GRM8: variants seen among roughly 807,000 people sequenced by gnomAD.
GRM8 encodes the protein metabotropic glutamate receptor 8.
Under a neutral mutation model 87.2 loss-of-function variants are expected in GRM8, and 47 were observed. The observed-to-expected ratio is 0.54, with a 90% confidence interval of 0.43 to 0.69. The LOEUF is 0.69. Among genes scored for constraint, GRM8 ranks in the 30% least tolerant of loss-of-function variants. The probability of loss-of-function intolerance (pLI) is 0.00; values close to 1 mark genes in which losing one functional copy is unlikely to be tolerated. For synonymous variants in GRM8, 396 were observed against 404.5 expected (o/e 0.98, Z 0.25); for missense variants, 1,019 against 1,139.2 (o/e 0.89, Z 1.52).
intron 7 of GRM8, among the ~76,000 whole-genome samples, chr7:126,732,426 T>C (rs2151485267): frequency 6.6e-6 from 1 of 152,280 alleles, no homozygotes; most frequent in South Asian, 2.1e-4. Context: ...TTGCATCTTG[T>C]GTGAATTGTG....
intron 6 of GRM8, among the ~76,000 whole-genome samples, chr7:126,820,721 G>A (rs1012235853): frequency 1.3e-5 from 2 of 152,114 alleles, no homozygotes; most frequent in Non-Finnish European, 2.9e-5. Flanking sequence ...CACACTGGCT[G>A]CTTAAACCCT....
chr7:126,929,072 T>C (rs981018623), intron 3 of GRM8, among the ~76,000 whole-genome samples: 1 of 151,924 alleles, frequency 6.6e-6, no homozygotes, highest in African/African-American at 2.4e-5. Flanking sequence ...GGAATTGAAG[T>C]AGAAAAAAGG....
intron 7 of GRM8, among the ~76,000 whole-genome samples, chr7:126,639,272 T>A (rs918229145): frequency 6.6e-6 from 1 of 152,160 alleles, no homozygotes; most frequent in African/African-American, 2.4e-5. Context: ...ATAGTACATA[T>A]GAGGTCACAA....
intron 2 of GRM8, among the ~76,000 whole-genome samples, chr7:127,165,694 C>T (rs1273200195): frequency 6.6e-6 from 1 of 152,132 alleles, no homozygotes; most frequent in South Asian, 2.1e-4. Context: ...TAAGAAATTG[C>T]CCACAGCCTG....
chr7:126,834,661 G>C (rs1305975776), intron 6 of GRM8, among the ~76,000 whole-genome samples: 2 of 152,138 alleles, frequency 1.3e-5, no homozygotes, highest in Non-Finnish European at 2.9e-5. Flanking sequence ...AATTGACAAG[G>C]CTTTAATAGA....
At chr7:126,820,256 T>G (rs184137462) in intron 6 of GRM8, among the ~76,000 whole-genome samples, 59 of 152,322 alleles carry the variant, frequency 3.9e-4, no homozygotes, top group Admixed American at 3.3e-3. Context: ...TAAACTGTTC[T>G]TACAAATTCC....
intron 6 of GRM8, among the ~76,000 whole-genome samples, chr7:126,800,124 A>C (rs114949149): frequency 3.3e-5 from 5 of 152,096 alleles, no homozygotes; most frequent in African/African-American, 1.2e-4. Flanking sequence ...AGTTTTTTTT[A>C]AAATGACAAT....
intron 2 of GRM8, among the ~76,000 whole-genome samples, chr7:127,238,242 A>C (rs920147589): frequency 8.5e-5 from 13 of 152,184 alleles, no homozygotes; most frequent in African/African-American, 3.1e-4. Flanking sequence ...AGCATGTTAT[A>C]TGAGTGAAGC....
At chr7:126,640,777 T>TTC (rs1802298455) in intron 7 of GRM8, among the ~76,000 whole-genome samples, 1 of 152,066 alleles carries the variant, frequency 6.6e-6, no homozygotes, top group African/African-American at 2.4e-5. Context: ...TTCTGCTCTC[T>TTC]CCCTGTCTCC....
At chr7:126,546,876 T>G (rs1427384904) in intron 8 of GRM8, among the ~76,000 whole-genome samples, 1 of 152,200 alleles carries the variant, frequency 6.6e-6, no homozygotes, top group East Asian at 1.9e-4. Context: ...ATGGAACTCT[T>G]GCTACAAAGT....
At chr7:127,114,885 A>G (rs1185717465) in intron 2 of GRM8, among the ~76,000 whole-genome samples, 1 of 152,134 alleles carries the variant, frequency 6.6e-6, no homozygotes. Context: ...TGACTCAAGG[A>G]GACTAAATAA....
chr7:126,940,333 C>T (rs920015058), intron 3 of GRM8, among the ~76,000 whole-genome samples: 2 of 152,142 alleles, frequency 1.3e-5, no homozygotes, highest in Non-Finnish European at 2.9e-5. Flanking sequence ...ATATAGTCAC[C>T]ACCCAGGTCT....
intron 7 of GRM8, among the ~76,000 whole-genome samples, chr7:126,617,788 G>A (rs28821311): frequency 0.32 from 48,208 of 151,494 alleles, 8,174 homozygotes; most frequent in East Asian, 0.43. Context: ...TTGCTTCAAA[G>A]AGAATAAAAT....
intron 9 of GRM8, among the ~76,000 whole-genome samples, chr7:126,526,253 T>G (rs192421700): frequency 1.3e-5 from 2 of 152,252 alleles, no homozygotes; most frequent in African/African-American, 2.4e-5. Flanking sequence ...TCTGTCTGTA[T>G]AGAAAAGATT....
chr7:127,180,381 G>T (rs570153709), intron 2 of GRM8, among the ~76,000 whole-genome samples: 1 of 151,652 alleles, frequency 6.6e-6, no homozygotes, highest in Non-Finnish European at 1.5e-5. Context: ...CAAAAAGTCC[G>T]GGACCAGACG....
intron 3 of GRM8, among the ~76,000 whole-genome samples, chr7:127,066,956 G>T (rs1821174665): frequency 6.6e-6 from 1 of 152,180 alleles, no homozygotes; most frequent in African/African-American, 2.4e-5. Context: ...GGACAGCAGG[G>T]CTCAGAGAGG....
intron 6 of GRM8, among the ~76,000 whole-genome samples, chr7:126,832,769 G>C (rs1157749006): frequency 6.6e-6 from 1 of 152,096 alleles, no homozygotes; most frequent in Non-Finnish European, 1.5e-5. Context: ...TCTTCTATTA[G>C]TTTATTTTTC....
intron 7 of GRM8, among the ~76,000 whole-genome samples, chr7:126,711,331 G>A (rs1467080134): frequency 6.6e-6 from 1 of 152,122 alleles, no homozygotes; most frequent in Admixed American, 6.5e-5. Context: ...GGGTGACCAG[G>A]TATATTTTCA....
At chr7:126,452,780 G>A (rs1584656506) in intron 9 of GRM8, among the ~76,000 whole-genome samples, 1 of 151,760 alleles carries the variant, frequency 6.6e-6, no homozygotes, top group Non-Finnish European at 1.5e-5. Flanking sequence ...TTTGGGAATA[G>A]GAGAGCTCTG....
Sources: allele counts gnomAD v4.1 joint callset (sites outside exome capture counted in the v4.1 genomes callset), GRCh38; gene constraint gnomAD v4.1.1; transcripts MANE v1.5; gene names NCBI Gene and HGNC (gene_info 2026-07-23, HGNC 2026-07-21).